Variants in CYP19A1 observed in about 807,000 individuals in gnomAD.
CYP19A1 encodes the protein aromatase.
Under a neutral mutation model 44.4 loss-of-function variants are expected in CYP19A1, and 32 were observed. That is an observed-to-expected ratio of 0.72 (90% CI 0.54 to 0.97). The LOEUF (loss-of-function observed/expected upper bound fraction) is 0.97. Among genes scored for constraint, CYP19A1 ranks in the 50% least tolerant of loss-of-function variants. The probability of loss-of-function intolerance (pLI) is 0.00; values close to 1 mark genes in which losing one functional copy is unlikely to be tolerated. For synonymous variants in CYP19A1, 212 were observed against 215.6 expected (o/e 0.98, Z 0.14); for missense variants, 598 against 637.8 (o/e 0.94, Z 0.67).
chr15:51,296,322 C>T (rs971631493), intron 1 of CYP19A1, among the ~76,000 whole-genome samples: 1 of 152,038 alleles, frequency 6.6e-6, no homozygotes, highest in South Asian at 2.1e-4. Context: ...AAATGGATGT[C>T]GATTTGACAT....
In CYP19A1 at chr15:51,212,262, G is replaced by A. The variant is rs1405708059; in HGVS notation, c.1263+58C>T. 5.0e-6 allele frequency: 6 copies of A among 1,197,758 alleles called. No individual in the cohort carries two copies. In the South Asian group the frequency reaches 7.3e-5, roughly 15 times the overall value. 74.2% of individuals were successfully genotyped at this position (1,197,758 alleles called of 1,614,324 possible). On this transcript the variant is annotated intron_variant, in intron 9 of 9. Coordinates refer to ENST00000396402, the MANE Select transcript of CYP19A1 (RefSeq NM_000103.4). The stretch of plus-strand genomic sequence containing the variant: ...GGTGCAAACACAAAGAACCAGAGAG[G>A]ATTTAACAGTTGACATTTTCAAGAG...
chr15:51,305,913 A>G (rs759918272), intron 1 of CYP19A1, among the ~76,000 whole-genome samples: 1 of 152,152 alleles, frequency 6.6e-6, no homozygotes, highest in African/African-American at 2.4e-5. Context: ...ACAGAAAACT[A>G]ATACAGTGAG....
chr15:51,306,686 C>T (rs751155059), intron 1 of CYP19A1, among the ~76,000 whole-genome samples: 5 of 152,282 alleles, frequency 3.3e-5, no homozygotes, highest in South Asian at 2.1e-4. Flanking sequence ...TGAAAAAGCA[C>T]GGCACTGTGC....
intron 1 of CYP19A1, chr15:51,277,855 AG>A (rs1320537189): frequency 6.6e-6 from 1 of 152,218 alleles, no homozygotes; most frequent in Non-Finnish European, 1.5e-5. Flanking sequence ...GTTATTTAAA[AG>A]AATACATACT....
At chr15:51,263,673 A>T (rs191034307) in intron 1 of CYP19A1, among the ~76,000 whole-genome samples, 2 of 152,322 alleles carry the variant, frequency 1.3e-5, no homozygotes, top group East Asian at 3.9e-4. Context: ...GAGGGACTGT[A>T]CTTTGCTGGA....
intron 1 of CYP19A1, among the ~76,000 whole-genome samples, chr15:51,324,635 C>T (rs1595786169): frequency 1.3e-5 from 2 of 152,338 alleles, no homozygotes; most frequent in East Asian, 3.9e-4. Flanking sequence ...TAAAAGGCAA[C>T]TTTAAAACTG....
At chr15:51,218,102 A>G (rs534666495) in intron 6 of CYP19A1, among the ~76,000 whole-genome samples, 6 of 152,348 alleles carry the variant, frequency 3.9e-5, no homozygotes, top group African/African-American at 7.2e-5. Context: ...AAAAAATTCT[A>G]TTGAGACTAT....
At chr15:51,311,409 A>G (rs932720202) in intron 1 of CYP19A1, among the ~76,000 whole-genome samples, 2 of 152,268 alleles carry the variant, frequency 1.3e-5, no homozygotes, top group African/African-American at 2.4e-5. Flanking sequence ...GTAGATCATC[A>G]GAAATTATCC....
rs2304461 is a variant in CYP19A1 at position 51,212,359 on chromosome 15, G to A, written c.1224C>T (p.Pro408=). The stretch of plus-strand genomic sequence containing the variant: ...TTTCAAGAGTAAATTCATTGGGTTT[G>A]GGGAAAAACTCGAGTCTGTGCATCC... ...IGRMHRLEFF[P]KPNEFTLENF... Residue 408 remains proline, a synonymous_variant, in exon 9 of 10, where the codon CCC becomes CCT. Coordinates refer to ENST00000396402, the MANE Select transcript of CYP19A1 (RefSeq NM_000103.4). 1,207 of 1,599,276 alleles carry A rather than the reference G, an allele frequency of 7.5e-4. 21 individuals carry two copies. The East Asian group carries it at 0.027, about 35-fold the overall frequency.
intron 1 of CYP19A1, among the ~76,000 whole-genome samples, chr15:51,260,947 C>T (rs1041153615): frequency 2.0e-5 from 3 of 152,148 alleles, no homozygotes; most frequent in Non-Finnish European, 2.9e-5. Context: ...TGTTCTGGCT[C>T]GAGCTGAGCT....
chr15:51,255,592 G>A (rs565055359), intron 1 of CYP19A1: 23 of 152,304 alleles, frequency 1.5e-4, no homozygotes, highest in African/African-American at 5.3e-4. Context: ...TGAAAGTCAG[G>A]AAGCCCTTAA....
intron 1 of CYP19A1, among the ~76,000 whole-genome samples, chr15:51,302,075 G>A: frequency 6.6e-6 from 1 of 152,014 alleles, no homozygotes; most frequent in East Asian, 1.9e-4. Context: ...ATCATTTTTG[G>A]GGGGTTCTCA....
rs762407954 is a variant in CYP19A1 at position 51,242,763 on chromosome 15, C to A, written c.145+5G>T. The stretch of plus-strand genomic sequence containing the variant: ...CTTAGATACAGAAATAAATGACTGA[C>A]TTACCTGGTATTGAGGATGTGCCCT... On this transcript the variant is annotated splice_donor_5th_base_variant and intron_variant, in intron 2 of 9. Transcript: ENST00000396402. The A allele has an allele frequency of 6.6e-7, 1 of 1,526,610 alleles. No individual in the cohort carries two copies. Among genetic ancestry groups the A allele is most frequent in the African/African-American group, 1.4e-5 (1 of 73,118 alleles). The allele number at this position is 1,526,610 out of a possible 1,614,324, so 94.6% of individuals were successfully genotyped here.
chr15:51,256,586 A>G (rs1595727847), intron 1 of CYP19A1, among the ~76,000 whole-genome samples: 1 of 152,214 alleles, frequency 6.6e-6, no homozygotes, highest in South Asian at 2.1e-4. Context: ...GGCAAGTGGC[A>G]AATACCAAAT....
intron 1 of CYP19A1, chr15:51,322,106 C>T (rs1788085088): frequency 6.6e-6 from 1 of 152,250 alleles, no homozygotes; most frequent in African/African-American, 2.4e-5. Flanking sequence ...GGCCATGGGT[C>T]GGACCTGGCT....
intron 1 of CYP19A1, among the ~76,000 whole-genome samples, chr15:51,290,285 G>A (rs1377089296): frequency 6.6e-6 from 1 of 152,214 alleles, no homozygotes; most frequent in Non-Finnish European, 1.5e-5. Flanking sequence ...GAGCAGCCAT[G>A]GTGGTGAACA....
At chr15:51,331,195 T>C (rs546082969) in intron 1 of CYP19A1, among the ~76,000 whole-genome samples, 99 of 152,268 alleles carry the variant, frequency 6.5e-4, no homozygotes, top group African/African-American at 1.9e-3. Context: ...AATGGTAACA[T>C]TAAATGTTCA....
intron 1 of CYP19A1, among the ~76,000 whole-genome samples, chr15:51,274,875 C>T (rs1265769526): frequency 6.6e-6 from 1 of 152,144 alleles, no homozygotes; most frequent in African/African-American, 2.4e-5. Flanking sequence ...ACACCATAAG[C>T]CAGAGGGGAC....
intron 5 of CYP19A1, among the ~76,000 whole-genome samples, chr15:51,220,943 G>A (rs188903497): frequency 1.3e-5 from 2 of 148,150 alleles, no homozygotes. Context: ...ATTAATGTTT[G>A]TTTTTTGGTG....
Sources: gnomAD v4.1 joint callset for allele counts (sites outside exome capture counted in the v4.1 genomes callset) on GRCh38, gnomAD v4.1.1 for gene constraint, MANE v1.5 for transcripts, NCBI Gene and HGNC (gene_info 2026-07-23, HGNC 2026-07-21) for gene names.